Variants in PDE4B observed in about 807,000 individuals in gnomAD.
The protein encoded by PDE4B is phosphodiesterase 4B, also known as 3',5'-cyclic-AMP phosphodiesterase 4B.
Under a neutral mutation model 82.2 loss-of-function variants are expected in PDE4B, and 20 were observed. The ratio of observed to expected loss-of-function variants is 0.24; its 90% confidence interval spans 0.17 to 0.35. The LOEUF is 0.35. Among genes scored for constraint, PDE4B ranks in the 10% least tolerant of loss-of-function variants. The probability of loss-of-function intolerance (pLI) is 1.00; values close to 1 mark genes in which losing one functional copy is unlikely to be tolerated. For missense variants in PDE4B, 655 were observed against 907.2 expected (o/e 0.72, Z 3.57); for synonymous variants, 320 against 318.9 (o/e 1.00, Z -0.04).
chr1:66,326,836 T>C (rs1659780806), intron 7 of PDE4B, among the ~76,000 whole-genome samples: 1 of 152,242 alleles, frequency 6.6e-6, no homozygotes, highest in Non-Finnish European at 1.5e-5. Context: ...CAGAGCATTT[T>C]TTCCTCTCAG....
chr1:66,046,862 A>G (rs999697647), intron 3 of PDE4B, among the ~76,000 whole-genome samples: 1 of 151,962 alleles, frequency 6.6e-6, no homozygotes, highest in East Asian at 1.9e-4. Context: ...ATTCAGATAC[A>G]ATGGGCTCTA....
chr1:66,087,733 T>C (rs191181177), intron 3 of PDE4B, among the ~76,000 whole-genome samples: 1 of 151,600 alleles, frequency 6.6e-6, no homozygotes, highest in African/African-American at 2.4e-5. Context: ...GTGGATGAAA[T>C]TGGAAGTCAT....
At chr1:65,869,761 C>A (rs140390017) in intron 1 of PDE4B, among the ~76,000 whole-genome samples, 132 of 148,312 alleles carry the variant, frequency 8.9e-4, no homozygotes, top group Non-Finnish European at 1.5e-3. Flanking sequence ...CCAGAGTGCT[C>A]GAAAAAGCTG....
chr1:66,090,681 A>ATGTATC (rs71058449), intron 3 of PDE4B, among the ~76,000 whole-genome samples: 140,134 of 140,546 alleles, frequency 1, 69,867 homozygotes, highest in Middle Eastern at 1. Flanking sequence ...GTATGTGTAT[A>ATGTATC]TGTATCTGTA....
At chr1:65,797,190 G>A (rs1039335815) in intron 1 of PDE4B, among the ~76,000 whole-genome samples, 2 of 150,350 alleles carry the variant, frequency 1.3e-5, no homozygotes, top group African/African-American at 4.9e-5. Flanking sequence ...TTCTGACCTC[G>A]TGATCCACCT....
intron 1 of PDE4B, among the ~76,000 whole-genome samples, chr1:65,857,746 C>T (rs936827524): frequency 6.6e-6 from 1 of 152,190 alleles, no homozygotes; most frequent in Non-Finnish European, 1.5e-5. Flanking sequence ...ATTGGGCATA[C>T]GGTCTAACTC....
chr1:65,862,807 A>G (rs543199201), intron 1 of PDE4B, among the ~76,000 whole-genome samples: 1 of 152,214 alleles, frequency 6.6e-6, no homozygotes, highest in Non-Finnish European at 1.5e-5. Context: ...GAATTAATAC[A>G]TTTCTTCTAG....
intron 3 of PDE4B, among the ~76,000 whole-genome samples, chr1:66,028,470 G>A (rs1423204802): frequency 1.3e-5 from 2 of 152,124 alleles, no homozygotes; most frequent in Non-Finnish European, 2.9e-5. Flanking sequence ...CATGGTTTTG[G>A]GGATTAACAT....
At chr1:66,005,408 T>G (rs1352960927) in intron 3 of PDE4B, among the ~76,000 whole-genome samples, 1 of 152,190 alleles carries the variant, frequency 6.6e-6, no homozygotes, top group African/African-American at 2.4e-5. Flanking sequence ...GCTCTTTATT[T>G]CTTGGTCATT....
At position 66,323,136 on chromosome 1, in the gene PDE4B, G is replaced by T. The variant is rs115984547; in HGVS notation, c.635-9372G>T. 3.1e-3 allele frequency among the ~76,000 whole-genome samples: 478 copies of T among 152,218 alleles called. 3 individuals carry two copies. Among genetic ancestry groups the T allele is most frequent in the African/African-American group, 0.011 (463 of 41,540 alleles). ...AAGAGCTCCACCAAGTTTTCCAGTT[G>T]CTTCCAGAATAAAATACAAGATCTT... is the stretch of plus-strand genomic sequence containing the variant. On this transcript the variant is annotated intron_variant, in intron 7 of 16. Transcript: ENST00000341517.
At chr1:65,958,298 C>A (rs1649362114) in intron 3 of PDE4B, among the ~76,000 whole-genome samples, 2 of 151,554 alleles carry the variant, frequency 1.3e-5, no homozygotes, top group South Asian at 4.2e-4. Flanking sequence ...GATAAACTGC[C>A]TTTTCCTTCC....
intron 9 of PDE4B, among the ~76,000 whole-genome samples, chr1:66,356,925 A>T (rs1662296254): frequency 6.6e-6 from 1 of 152,206 alleles, no homozygotes. Context: ...AGGTGCCTGG[A>T]ATCTAACTTT....
chr1:66,091,832 C>G (rs1435238146), intron 3 of PDE4B, among the ~76,000 whole-genome samples: 2 of 152,026 alleles, frequency 1.3e-5, no homozygotes, highest in Non-Finnish European at 2.9e-5. Context: ...CCAGCATGAC[C>G]AACATTAGCT....
intron 8 of PDE4B, chr1:66,354,771 C>CT: frequency 6.6e-7 from 1 of 1,526,410 alleles, no homozygotes; most frequent in Non-Finnish European, 8.8e-7. Context: ...TTTCCTGATC[C>CT]TTTCGGGATT....
chr1:66,266,929 C>T lies in PDE4B; in HGVS notation c.634+842C>T, dbSNP rs528092393. Reference sequence around the variant, plus strand: ...AGATCACCTAATGCCTGACACCTAACGATGCCTCACATGCTTTTCTATTTC... The same window carrying T: ...AGATCACCTAATGCCTGACACCTAATGATGCCTCACATGCTTTTCTATTTC... On this transcript the variant is annotated intron_variant, in intron 7 of 16. Transcript: ENST00000341517. 5 of 245,850 alleles carry T rather than the reference C, an allele frequency of 2.0e-5. No individual in the cohort carries two copies. The East Asian group carries it at 4.3e-4, about 21-fold the overall frequency. 15.2% of individuals were successfully genotyped at this position (245,850 alleles called of 1,614,324 possible). A position where few individuals can be genotyped will look rare whatever the true frequency, so the allele number is the denominator to read the frequency against.
intron 1 of PDE4B, among the ~76,000 whole-genome samples, chr1:65,824,056 C>A (rs1285524813): frequency 6.6e-6 from 1 of 152,162 alleles, no homozygotes; most frequent in Non-Finnish European, 1.5e-5. Flanking sequence ...TCTCACCCCC[C>A]ATCTCAGTGC....
At chr1:65,844,769 T>C (rs1353522032) in intron 1 of PDE4B, among the ~76,000 whole-genome samples, 1 of 152,132 alleles carries the variant, frequency 6.6e-6, no homozygotes, top group African/African-American at 2.4e-5. Flanking sequence ...TACTAGGCAT[T>C]CTCTTCTTCT....
intron 3 of PDE4B, among the ~76,000 whole-genome samples, chr1:66,136,536 C>A (rs552883014): frequency 9.9e-5 from 15 of 151,636 alleles, no homozygotes; most frequent in African/African-American, 3.4e-4. Flanking sequence ...ATGATGAAAC[C>A]CCATCTCTAC....
intron 3 of PDE4B, among the ~76,000 whole-genome samples, chr1:66,077,961 G>A (rs767376189): frequency 1.2e-4 from 18 of 152,070 alleles, no homozygotes; most frequent in Non-Finnish European, 2.5e-4. Context: ...TCTCACAATG[G>A]TAGCCAGTTC....
Sources: allele counts gnomAD v4.1 joint callset (sites outside exome capture counted in the v4.1 genomes callset), GRCh38; gene constraint gnomAD v4.1.1; transcripts MANE v1.5; gene names NCBI Gene and HGNC (gene_info 2026-07-23, HGNC 2026-07-21).